PCDH7: variants seen among roughly 807,000 people sequenced by gnomAD.
The protein encoded by PCDH7 is protocadherin-7.
A neutral mutation model predicts 58.9 loss-of-function variants in PCDH7; 17 were observed. The ratio of observed to expected loss-of-function variants is 0.29; its 90% CI spans 0.20 to 0.43. The LOEUF (loss-of-function observed/expected upper bound fraction) is 0.43, where lower values mean the gene tolerates loss of function less well. PCDH7 is among the 20% of genes least tolerant of loss of function. The probability of loss-of-function intolerance (pLI) is 1.00; values close to 1 mark genes in which losing one functional copy is unlikely to be tolerated. For synonymous variants in PCDH7, 664 were observed against 616.4 expected, an observed-to-expected ratio of 1.08 and a Z score of -1.14; for missense variants, 1,274 against 1,441.0, an observed-to-expected ratio of 0.88 and a Z score of 1.88.
intron 3 of PCDH7, among the ~76,000 whole-genome samples, chr4:30,953,319 G>T (rs1394136601): frequency 6.6e-6 from 1 of 151,918 alleles, no homozygotes; most frequent in East Asian, 1.9e-4. Context: ...AATTCAGACA[G>T]ACACTATGTC....
intron 1 of PCDH7, among the ~76,000 whole-genome samples, chr4:30,906,762 C>T (rs1740983267): frequency 6.6e-6 from 1 of 152,102 alleles, no homozygotes; most frequent in African/African-American, 2.4e-5. Context: ...GTGACTCACA[C>T]CTGTAATCCC....
intron 3 of PCDH7, among the ~76,000 whole-genome samples, chr4:30,989,825 G>C (rs1392659331): frequency 1.3e-5 from 2 of 152,150 alleles, no homozygotes; most frequent in Non-Finnish European, 2.9e-5. Context: ...TCAGTGAAAA[G>C]AGAGAGGGAG....
chr4:31,039,980 G>A (rs1755721657), intron 3 of PCDH7, among the ~76,000 whole-genome samples: 1 of 152,084 alleles, frequency 6.6e-6, no homozygotes, highest in Non-Finnish European at 1.5e-5. Flanking sequence ...ATACAAACAG[G>A]GGGCTTCAGA....
chr4:31,061,876 G>T (rs1045929359), intron 3 of PCDH7, among the ~76,000 whole-genome samples: 1 of 151,686 alleles, frequency 6.6e-6, no homozygotes, highest in South Asian at 2.1e-4. Flanking sequence ...AATTGGTTGT[G>T]CATATACACA....
intron 1 of PCDH7, among the ~76,000 whole-genome samples, chr4:30,885,402 T>C (rs1339147869): frequency 6.6e-6 from 1 of 152,180 alleles, no homozygotes; most frequent in Non-Finnish European, 1.5e-5. Context: ...GTGAATCAAA[T>C]GAATTAATAA....
intron 1 of PCDH7, among the ~76,000 whole-genome samples, chr4:30,765,308 A>C (rs1720607199): frequency 6.6e-6 from 1 of 152,042 alleles, no homozygotes; most frequent in Non-Finnish European, 1.5e-5. Flanking sequence ...AGGGCAAAAA[A>C]GACATCAATG....
intron 3 of PCDH7, among the ~76,000 whole-genome samples, chr4:31,089,600 T>C (rs1331245745): frequency 6.6e-6 from 1 of 152,068 alleles, no homozygotes; most frequent in Non-Finnish European, 1.5e-5. Context: ...TGTTTTAATA[T>C]TAAATTCCCA....
At chr4:31,042,464 A>G (rs1005481310) in intron 3 of PCDH7, among the ~76,000 whole-genome samples, 21 of 152,078 alleles carry the variant, frequency 1.4e-4, no homozygotes, top group Admixed American at 1.2e-3. Flanking sequence ...GAAAACTATC[A>G]TGCGTGTGTG....
intron 2 of PCDH7, among the ~76,000 whole-genome samples, chr4:30,945,692 T>C (rs1746588594): frequency 6.6e-6 from 1 of 152,160 alleles, no homozygotes. Context: ...ACTTTGTAAT[T>C]TGAAAATACT....
intron 3 of PCDH7, among the ~76,000 whole-genome samples, chr4:31,048,373 T>C (rs947171496): frequency 6.6e-6 from 1 of 152,062 alleles, no homozygotes; most frequent in Non-Finnish European, 1.5e-5. Flanking sequence ...ATTTAGTCAT[T>C]CTGTTTTCAA....
At chr4:30,748,612 A>C (rs1718081478) in intron 1 of PCDH7, among the ~76,000 whole-genome samples, 1 of 152,172 alleles carries the variant, frequency 6.6e-6, no homozygotes, top group East Asian at 1.9e-4. Context: ...TCACTTCTAA[A>C]AGGCCCTACT....
chr4:30,727,811 T>G (rs1316097332), intron 1 of PCDH7, among the ~76,000 whole-genome samples: 2 of 151,920 alleles, frequency 1.3e-5, no homozygotes, highest in Non-Finnish European at 2.9e-5. Flanking sequence ...AATTTTCTTT[T>G]AAAATAATGT....
chr4:30,772,160 G>A (rs900373234), intron 1 of PCDH7, among the ~76,000 whole-genome samples: 1 of 152,070 alleles, frequency 6.6e-6, no homozygotes, highest in African/African-American at 2.4e-5. Flanking sequence ...GTGAGCCACC[G>A]CTCTCAGCTA....
At chr4:30,838,966 G>T (rs906138147) in intron 1 of PCDH7, among the ~76,000 whole-genome samples, 5 of 151,546 alleles carry the variant, frequency 3.3e-5, no homozygotes, top group African/African-American at 1.2e-4. Flanking sequence ...CTTTTTTTAA[G>T]GTATTTACTT....
At chr4:31,086,242 A>G (rs1712416420) in intron 3 of PCDH7, among the ~76,000 whole-genome samples, 1 of 152,176 alleles carries the variant, frequency 6.6e-6, no homozygotes, top group Admixed American at 6.5e-5. Flanking sequence ...GTCTAGAAAA[A>G]GAGCAGAGTT....
At chr4:30,731,007 A>T (rs920795538) in exon 2 of PCDH7, 62 of 1,215,270 alleles carry the variant, frequency 5.1e-5, no homozygotes, top group Non-Finnish European at 6.3e-5. Context: ...GAAATGTGCT[A>T]CTAATGGATG....
chr4:30,833,308 T>C (rs1233500608), intron 1 of PCDH7, among the ~76,000 whole-genome samples: 1 of 152,098 alleles, frequency 6.6e-6, no homozygotes, highest in African/African-American at 2.4e-5. Context: ...TAGGGGAGGA[T>C]ATGTTTTCTT....
intron 2 of PCDH7, among the ~76,000 whole-genome samples, chr4:30,945,862 G>C (rs180744403): frequency 1.3e-5 from 2 of 151,746 alleles, no homozygotes; most frequent in Non-Finnish European, 2.9e-5. Context: ...AATTCCATCG[G>C]GCCACAGTTA....
At chr4:30,830,305 T>C (rs2109329782) in intron 1 of PCDH7, among the ~76,000 whole-genome samples, 1 of 152,248 alleles carries the variant, frequency 6.6e-6, no homozygotes, top group Non-Finnish European at 1.5e-5. Context: ...TAAAATAAAT[T>C]ATTCACATCA....
Sources: allele counts gnomAD v4.1 joint callset (sites outside exome capture counted in the v4.1 genomes callset), GRCh38; gene constraint gnomAD v4.1.1; transcripts MANE v1.5; gene names NCBI Gene and HGNC (gene_info 2026-07-23, HGNC 2026-07-21).